Variants in GKAP1 observed in about 807,000 individuals in gnomAD.
GKAP1 encodes G kinase-anchoring protein 1.
GKAP1 carries 31 observed loss-of-function variants against 56.7 expected under a neutral mutation model. The observed-to-expected ratio is 0.55, with a 90% CI of 0.41 to 0.74. The LOEUF (loss-of-function observed/expected upper bound fraction) is 0.74, where lower values mean the gene tolerates loss of function less well. Among genes scored for constraint, GKAP1 ranks in the 30% least tolerant of loss-of-function variants. GKAP1 has a pLI of 0.00. For synonymous variants in GKAP1, 151 were observed against 138.6 expected (o/e 1.09, Z -0.63); for missense variants, 364 against 402.3 (o/e 0.90, Z 0.82).
intron 7 of GKAP1, among the ~76,000 whole-genome samples, chr9:83,769,804 A>T (rs1164116482): frequency 6.6e-6 from 1 of 152,222 alleles, no homozygotes; most frequent in Non-Finnish European, 1.5e-5. Flanking sequence ...TTTCCAAAGC[A>T]GCCCATCATT....
At chr9:83,816,476 G>A (rs900605492) in intron 2 of GKAP1, among the ~76,000 whole-genome samples, 1 of 152,180 alleles carries the variant, frequency 6.6e-6, no homozygotes, top group African/African-American at 2.4e-5. Context: ...GTCAACTTCT[G>A]GGTTTTGCTC....
intron 8 of GKAP1, among the ~76,000 whole-genome samples, chr9:83,757,453 T>C (rs1442051618): frequency 3.3e-5 from 5 of 152,226 alleles, no homozygotes; most frequent in Non-Finnish European, 7.3e-5. Context: ...ACTCTGACAT[T>C]TTCTCCTGTC....
intron 7 of GKAP1, among the ~76,000 whole-genome samples, chr9:83,778,066 C>G (rs1263871750): frequency 6.6e-6 from 1 of 152,038 alleles, no homozygotes; most frequent in African/African-American, 2.4e-5. Context: ...GGCAGGGTCA[C>G]AGAGAGAAAG....
intron 7 of GKAP1, among the ~76,000 whole-genome samples, chr9:83,779,610 T>TACACACAC (rs536500445): frequency 1.2e-5 from 1 of 84,238 alleles, no homozygotes; most frequent in South Asian, 3.6e-4. Flanking sequence ...TATATACACA[T>TACACACAC]ATACACACAC....
chr9:83,799,226 G>T lies in GKAP1; in HGVS notation c.319C>A (p.Arg107=). Residue 107 remains arginine, a synonymous_variant, in exon 4 of 13, where the codon CGA becomes AGA. Coordinates refer to ENST00000376371, the MANE Select transcript of GKAP1 (RefSeq NM_025211.4). ...PLSNPVQKDS[R]EENWQEWRQR... ...CTCCACTCTTGCCAATTTTCTTCTC[G>T]TGAATCCTTCTGTACTGGGTTTGAC... is the stretch of plus-strand genomic sequence containing the variant. 6.2e-7 allele frequency: 1 copy of T among 1,612,804 alleles called. No homozygotes were observed.
intron 8 of GKAP1, among the ~76,000 whole-genome samples, chr9:83,759,611 A>AG (rs1943535254): frequency 1.3e-5 from 2 of 151,954 alleles, no homozygotes; most frequent in Non-Finnish European, 2.9e-5. Flanking sequence ...AGTTTTGAAC[A>AG]TTTTTTTTGG....
At chr9:83,748,977 CTAAA>C (rs1943341233) in intron 9 of GKAP1, 3 of 152,186 alleles carry the variant, frequency 2.0e-5, no homozygotes, top group East Asian at 3.8e-4. Flanking sequence ...ATTTCACTAA[CTAAA>C]TAATCACTGT....
At chr9:83,798,727 G>A (rs950838221) in intron 4 of GKAP1, among the ~76,000 whole-genome samples, 15 of 151,952 alleles carry the variant, frequency 9.9e-5, no homozygotes, top group African/African-American at 3.4e-4. Flanking sequence ...TGTGGCCCAG[G>A]GTGGTCTCAA....
chr9:83,768,755 T>C, intron 8 of GKAP1, 63 bp downstream of exon 8: 2 of 1,441,634 alleles, frequency 1.4e-6, no homozygotes, highest in Non-Finnish European at 9.6e-7. Context: ...CTTACTTGTT[T>C]AAAAAATAAA....
At chr9:83,775,928 AATCT>A (rs1943854297) in intron 7 of GKAP1, among the ~76,000 whole-genome samples, 1 of 151,786 alleles carries the variant, frequency 6.6e-6, no homozygotes, top group Non-Finnish European at 1.5e-5. Flanking sequence ...AAAAGAAATG[AATCT>A]ATCAAACCTC....
At chr9:83,758,989 A>T (rs2111683) in intron 8 of GKAP1, among the ~76,000 whole-genome samples, 85,678 of 151,982 alleles carry the variant, frequency 0.56, 24,770 homozygotes, top group Admixed American at 0.7. Flanking sequence ...ATGAAAGCTA[A>T]GAAAAACTTC....
In GKAP1 at chr9:83,788,682, C is replaced by T. The variant is rs201060348; in HGVS notation, c.361-4G>A. 1.9e-6 allele frequency: 3 copies of T among 1,575,500 alleles called. No homozygotes were observed. The highest frequency in any genetic ancestry group is 1.4e-5 in the African/African-American group (1 of 73,266). ...CTTCAAACATTTCAGATGTCAGCTA[C>T]AAAAAAAAAGTTTCACAATAAACAG... On this transcript the variant is annotated splice_polypyrimidine_tract_variant and splice_region_variant and intron_variant, in intron 4 of 12. Coordinates refer to ENST00000376371, the MANE Select transcript of GKAP1 (RefSeq NM_025211.4).
chr9:83,797,088 C>A (rs891801086), intron 4 of GKAP1, among the ~76,000 whole-genome samples: 1 of 152,204 alleles, frequency 6.6e-6, no homozygotes, highest in African/African-American at 2.4e-5. Flanking sequence ...AACAGGCGAA[C>A]TGAGTGCTTT....
intron 10 of GKAP1, among the ~76,000 whole-genome samples, chr9:83,746,235 T>A (rs767622102): frequency 2.6e-5 from 4 of 152,236 alleles, no homozygotes; most frequent in Non-Finnish European, 5.9e-5. Context: ...TATTTTGTAA[T>A]GTAGTTTAAA....
intron 10 of GKAP1, among the ~76,000 whole-genome samples, chr9:83,743,240 T>C (rs1394834707): frequency 6.6e-6 from 1 of 152,118 alleles, no homozygotes; most frequent in East Asian, 1.9e-4. Flanking sequence ...AGGACAAGGA[T>C]ACAAGAAAAC....
intron 2 of GKAP1, among the ~76,000 whole-genome samples, 161 bp from the exon 3 acceptor site, chr9:83,806,721 A>G (rs1482931542): frequency 6.6e-6 from 1 of 152,232 alleles, no homozygotes; most frequent in African/African-American, 2.4e-5. Flanking sequence ...ACATACTTTT[A>G]TATTTAAGTA....
intron 6 of GKAP1, among the ~76,000 whole-genome samples, chr9:83,781,598 C>T (rs1943972850): frequency 6.6e-6 from 1 of 152,092 alleles, no homozygotes; most frequent in African/African-American, 2.4e-5. Context: ...ATCAAACTAC[C>T]AAATCTTGGT....
At chr9:83,779,471 A>ACACACACACACACG (rs1564201465) in intron 7 of GKAP1, among the ~76,000 whole-genome samples, 1 of 93,058 alleles carries the variant, frequency 1.1e-5, no homozygotes, top group African/African-American at 3.3e-5. Flanking sequence ...ACACGCACAT[A>ACACACACACACACG]TACATATACA....
At chr9:83,746,024 C>G (rs1943287589) in intron 10 of GKAP1, among the ~76,000 whole-genome samples, 2 of 152,120 alleles carry the variant, frequency 1.3e-5, no homozygotes, top group South Asian at 4.1e-4. Flanking sequence ...CTCCTAACCT[C>G]AAGTGATCCA....
Sources: gnomAD v4.1 joint callset for allele counts (sites outside exome capture counted in the v4.1 genomes callset) on GRCh38, gnomAD v4.1.1 for gene constraint, MANE v1.5 for transcripts, NCBI Gene and HGNC (gene_info 2026-07-23, HGNC 2026-07-21) for gene names.